DENND1A: variants seen among roughly 807,000 people sequenced by gnomAD.
DENND1A encodes the protein DENN domain containing 1A.
A neutral mutation model predicts 113.7 loss-of-function variants in DENND1A; 51 were observed. That is an observed-to-expected ratio of 0.45 (90% CI 0.36 to 0.57). DENND1A has a LOEUF of 0.57. Among genes scored for constraint, DENND1A ranks in the 20% least tolerant of loss-of-function variants. DENND1A has a pLI of 0.00. For synonymous variants in DENND1A, 565 were observed against 570.8 expected, an observed-to-expected ratio of 0.99 and a Z score of 0.14; for missense variants, 1,258 against 1,395.9, an observed-to-expected ratio of 0.90 and a Z score of 1.57.
rs1397284979 is a variant in DENND1A, at chr9:123,422,698, G to A, written c.1489-10869C>T. 6.6e-6 allele frequency among the ~76,000 whole-genome samples: 1 copy of A among 152,212 alleles called. No individual in the cohort carries two copies. On this transcript the variant is annotated intron_variant, in intron 19 of 23. Transcript: ENST00000394215. The surrounding 1 kb of genome is among the most constrained non-coding windows in gnomAD (Gnocchi z 4.8). ...CAAATGAAGAATATCAGAAGGCTGG[G>A]GGAATATGCGGCTCTCCAATTTGTA...
At chr9:123,564,808 G>GTAGT (rs2057957709) in intron 12 of DENND1A, among the ~76,000 whole-genome samples, 1 of 152,078 alleles carries the variant, frequency 6.6e-6, no homozygotes, top group South Asian at 2.1e-4. Flanking sequence ...AGGGCCCTAG[G>GTAGT]TTGACTACTA....
intron 9 of DENND1A, among the ~76,000 whole-genome samples, chr9:123,638,168 C>T (rs1258240751): frequency 1.3e-5 from 2 of 152,086 alleles, no homozygotes; most frequent in Non-Finnish European, 2.9e-5. Flanking sequence ...CAAGATTTGA[C>T]ACTTTAAAAC....
At position 123,583,289 on chromosome 9, in the gene DENND1A, C is replaced by T; in HGVS notation, c.766-19G>A. ...TGACTTTCTGCAAGGAGAAAAAAAT[C>T]CACAAGAGAAGGTCATTGAGGTGCC... On this transcript the variant is annotated intron_variant, in intron 11 of 23. Transcript: ENST00000394215. 1 of 1,598,310 alleles carries T rather than the reference C, an allele frequency of 6.3e-7. No homozygotes were observed. The highest frequency in any genetic ancestry group is 1.1e-5 in the South Asian group (1 of 89,830).
At chr9:123,885,828 G>A (rs1185609851) in intron 1 of DENND1A, among the ~76,000 whole-genome samples, 21 of 152,098 alleles carry the variant, frequency 1.4e-4, no homozygotes, top group Non-Finnish European at 8.8e-5. Context: ...TGCCCAGGCT[G>A]GAGTGCAGTG....
At chr9:123,837,358 G>A (rs1841190951) in intron 2 of DENND1A, among the ~76,000 whole-genome samples, 1 of 151,952 alleles carries the variant, frequency 6.6e-6, no homozygotes, top group South Asian at 2.1e-4. Context: ...CAACAAACCA[G>A]GTCAAGTTAA....
At chr9:123,550,054 C>G (rs1385119468) in intron 13 of DENND1A, among the ~76,000 whole-genome samples, 1 of 152,246 alleles carries the variant, frequency 6.6e-6, no homozygotes, top group African/African-American at 2.4e-5. Context: ...GTGCATTCAT[C>G]CTTGAAAGCC....
At chr9:123,651,399 TGCGCACATGC>T (rs2062646796) in intron 9 of DENND1A, among the ~76,000 whole-genome samples, 1 of 151,666 alleles carries the variant, frequency 6.6e-6, no homozygotes, top group Non-Finnish European at 1.5e-5. Flanking sequence ...CGTACACACG[TGCGCACATGC>T]GCGCACACAC....
At chr9:123,406,077 A>AC (rs1208378869) in intron 20 of DENND1A, among the ~76,000 whole-genome samples, 2 of 151,976 alleles carry the variant, frequency 1.3e-5, no homozygotes, top group Non-Finnish European at 2.9e-5. Context: ...CGTACCCCCC[A>AC]CCCCCCAGAA....
rs1436288777 is a variant in DENND1A, at chr9:123,764,699, A to G, written c.182+4815T>C. Among the ~76,000 whole-genome samples the G allele has an allele frequency of 2.0e-5, 3 of 152,186 alleles. No homozygotes were observed. Among genetic ancestry groups the G allele is most frequent in the Non-Finnish European group, 4.4e-5 (3 of 68,026 alleles). On this transcript the variant is annotated intron_variant, in intron 4 of 23. Transcript: ENST00000394215. The surrounding 1 kb of genome is among the most constrained non-coding windows in gnomAD (Gnocchi z 4.1). ...CCTGACAAAGTCAACATGAAGCATA[A>G]CTGCAGAATTTAAAAGTATCAAAAG...
chr9:123,413,829 C>A (rs1343617357), intron 19 of DENND1A: 2 of 984,888 alleles, frequency 2.0e-6, no homozygotes, highest in South Asian at 4.7e-5. Flanking sequence ...GGGGAACAGC[C>A]CCCCCACCCC....
At chr9:123,500,244 AACAAAC>A (rs1426593537) in intron 13 of DENND1A, among the ~76,000 whole-genome samples, 1 of 152,224 alleles carries the variant, frequency 6.6e-6, no homozygotes, top group East Asian at 1.9e-4. Flanking sequence ...TCTCAAAATG[AACAAAC>A]ACTTGTAAAT....
intron 9 of DENND1A, among the ~76,000 whole-genome samples, chr9:123,640,823 A>G (rs2061991146): frequency 6.6e-6 from 1 of 152,242 alleles, no homozygotes; most frequent in African/African-American, 2.4e-5. Context: ...AACTTGCCCA[A>G]GGCCATATGG....
At position 123,381,598 on chromosome 9, in the gene DENND1A, G is replaced by A. The variant is rs764535042; in HGVS notation, c.3047C>T (p.Pro1016Leu). Residue 1016 changes from proline (P) to leucine (L), a missense_variant, in exon 24 of 24, where the codon CCT becomes CTT. By Grantham distance (98) the Pro-to-Leu change is moderately conservative (BLOSUM62 -3). Transcript: ENST00000394215. The surrounding 1 kb of genome is among the most constrained non-coding windows in gnomAD (Gnocchi z 4.7). ...GDPPLLPPRP[P>L]QGLEPTLQPS... ...CTGCAGTGTTGGCTCCAGGCCTTGAGGGGGCCTGGGAGGCAGAAGCGGGGG... is the reference window on the plus strand; with the variant it reads ...CTGCAGTGTTGGCTCCAGGCCTTGAAGGGGCCTGGGAGGCAGAAGCGGGGG... 1.2e-6 allele frequency: 2 copies of A among 1,613,302 alleles called. No individual in the cohort carries two copies. Among genetic ancestry groups the A allele is most frequent in the East Asian group, 2.2e-5 (1 of 44,856 alleles).
intron 13 of DENND1A, among the ~76,000 whole-genome samples, chr9:123,489,021 T>A (rs2051130469): frequency 2.0e-5 from 3 of 152,194 alleles, no homozygotes; most frequent in South Asian, 4.1e-4. Context: ...GAATAAAGAT[T>A]TCCCCTCTGC....
At chr9:123,867,334 T>C (rs1200696017) in intron 2 of DENND1A, among the ~76,000 whole-genome samples, 1 of 152,176 alleles carries the variant, frequency 6.6e-6, no homozygotes, top group Admixed American at 6.5e-5. Flanking sequence ...CTACAGAGTC[T>C]AGCACAGTCT....
At chr9:123,880,454 C>T (rs1456641335) in intron 1 of DENND1A, among the ~76,000 whole-genome samples, 1 of 152,102 alleles carries the variant, frequency 6.6e-6, no homozygotes, top group Non-Finnish European at 1.5e-5. Context: ...AATCATGTAG[C>T]AGAAGAAAAT....
intron 7 of DENND1A, among the ~76,000 whole-genome samples, chr9:123,667,421 C>A (rs1307857375): frequency 6.6e-6 from 1 of 152,104 alleles, no homozygotes; most frequent in Non-Finnish European, 1.5e-5. Flanking sequence ...TCGAGACCAG[C>A]CTGGCCAACA....
At chr9:123,581,188 G>A (rs1057143650) in intron 12 of DENND1A, among the ~76,000 whole-genome samples, 1 of 152,080 alleles carries the variant, frequency 6.6e-6, no homozygotes, top group African/African-American at 2.4e-5. Context: ...CATCCTCAGA[G>A]TGGCATGAAG....
intron 13 of DENND1A, among the ~76,000 whole-genome samples, chr9:123,509,633 C>T (rs2053274105): frequency 6.6e-6 from 1 of 152,196 alleles, no homozygotes. Flanking sequence ...AAGCAAGCCC[C>T]TCAAATTATA....
Sources: gnomAD v4.1 joint callset for allele counts (sites outside exome capture counted in the v4.1 genomes callset) on GRCh38, gnomAD v4.1.1 for gene constraint, Gnocchi (gnomAD v3.1) non-coding constraint, MANE v1.5 for transcripts, NCBI Gene and HGNC (gene_info 2026-07-23, HGNC 2026-07-21) for gene names.